IL23R: variants seen among roughly 807,000 people sequenced by gnomAD.
The protein encoded by IL23R is interleukin 23 receptor.
A neutral mutation model predicts 56.9 loss-of-function variants in IL23R; 34 were observed. The ratio of observed to expected loss-of-function variants is 0.60; its 90% CI spans 0.45 to 0.80. IL23R has a LOEUF of 0.80. IL23R is among the 30% of genes least tolerant of loss of function. The pLI is 0.00. For missense variants in IL23R, 635 were observed against 730.0 expected (o/e 0.87, Z 1.50); for synonymous variants, 230 against 249.2 (o/e 0.92, Z 0.73).
intron 7 of IL23R, among the ~76,000 whole-genome samples, chr1:67,228,575 T>C (rs1650898132): frequency 2.0e-5 from 3 of 152,160 alleles, no homozygotes; most frequent in Middle Eastern, 3.4e-3. Context: ...ATCACAAACT[T>C]GAAAGCTTAA....
chr1:67,207,163 ATTGT>A (rs774934389), intron 6 of IL23R, 108 bp downstream of exon 6: 23 of 1,194,192 alleles, frequency 1.9e-5, no homozygotes, highest in Admixed American at 8.9e-5. Context: ...TTTTAATCTG[ATTGT>A]TTGCATGATA....
At chr1:67,145,456 T>G (rs1356452246) in intron 1 of IL23R, among the ~76,000 whole-genome samples, 1 of 152,164 alleles carries the variant, frequency 6.6e-6, no homozygotes, top group Non-Finnish European at 1.5e-5. Context: ...ATTAGCTAAT[T>G]TAATTATCAA....
At chr1:67,177,532 G>A (rs1477999514) in intron 3 of IL23R, among the ~76,000 whole-genome samples, 1 of 151,928 alleles carries the variant, frequency 6.6e-6, no homozygotes, top group Non-Finnish European at 1.5e-5. Flanking sequence ...TTTGTCAGAT[G>A]AGTAGATTGC....
intron 3 of IL23R, among the ~76,000 whole-genome samples, chr1:67,175,796 T>C (rs78441119): frequency 2.0e-4 from 30 of 152,220 alleles, no homozygotes; most frequent in African/African-American, 7.2e-4. Context: ...AAAGAACCCA[T>C]TCGCAAGAGC....
At chr1:67,188,476 G>A (rs774997102) in intron 4 of IL23R, among the ~76,000 whole-genome samples, 3 of 152,184 alleles carry the variant, frequency 2.0e-5, no homozygotes, top group Non-Finnish European at 4.4e-5. Context: ...ATTTAGCCTT[G>A]CTGAGCCTCA....
intron 6 of IL23R, among the ~76,000 whole-genome samples, chr1:67,217,289 G>C (rs533240521): frequency 2.6e-5 from 4 of 152,258 alleles, no homozygotes; most frequent in Non-Finnish European, 5.9e-5. Flanking sequence ...ATTAAGTCCA[G>C]CTCTTTCAAT....
At chr1:67,215,270 C>T (rs1649758370) in intron 6 of IL23R, among the ~76,000 whole-genome samples, 1 of 152,184 alleles carries the variant, frequency 6.6e-6, no homozygotes, top group Admixed American at 6.5e-5. Context: ...GGACATATAA[C>T]AATAAACATT....
chr1:67,212,188 C>A (rs1417406882), intron 6 of IL23R, among the ~76,000 whole-genome samples: 1 of 152,172 alleles, frequency 6.6e-6, no homozygotes, highest in Non-Finnish European at 1.5e-5. Context: ...TTCCTTTAAA[C>A]ACAACCACTA....
intron 6 of IL23R, among the ~76,000 whole-genome samples, chr1:67,219,054 T>C (rs1650066343): frequency 6.6e-6 from 1 of 151,938 alleles, no homozygotes; most frequent in Non-Finnish European, 1.5e-5. Context: ...TTCTGGAGAT[T>C]TGAGACAGTT....
At chr1:67,233,130 C>T (rs1651210540) in intron 7 of IL23R, among the ~76,000 whole-genome samples, 1 of 148,010 alleles carries the variant, frequency 6.8e-6, no homozygotes, top group African/African-American at 2.5e-5. Context: ...AGGTGGATCA[C>T]CTGAGGTCAG....
intron 6 of IL23R, among the ~76,000 whole-genome samples, chr1:67,218,382 T>C (rs1650012931): frequency 7.0e-6 from 1 of 143,738 alleles, no homozygotes. Context: ...ATGTATGTAT[T>C]ATTGGGCCTT....
intron 7 of IL23R, among the ~76,000 whole-genome samples, chr1:67,224,191 C>A (rs998983962): frequency 1.2e-4 from 19 of 152,158 alleles, no homozygotes; most frequent in African/African-American, 4.6e-4. Flanking sequence ...AATTACATTG[C>A]ATCATACATA....
intron 8 of IL23R, among the ~76,000 whole-genome samples, chr1:67,239,302 C>G (rs988198758): frequency 2.0e-5 from 3 of 152,186 alleles, no homozygotes; most frequent in Admixed American, 2.0e-4. Context: ...CTGGCTCTGT[C>G]GCCCAGGCTG....
intron 4 of IL23R, among the ~76,000 whole-genome samples, chr1:67,194,289 G>A (rs962032702): frequency 1.3e-5 from 2 of 152,044 alleles, no homozygotes; most frequent in African/African-American, 2.4e-5. Flanking sequence ...TAAAGGGCAA[G>A]GGGGTTGGGG....
At chr1:67,212,660 C>T (rs1302306291) in intron 6 of IL23R, among the ~76,000 whole-genome samples, 1 of 151,848 alleles carries the variant, frequency 6.6e-6, no homozygotes, top group East Asian at 1.9e-4. Flanking sequence ...ATCCTCCTGC[C>T]TCAGTCTCCC....
At position 67,186,222 on chromosome 1, in the gene IL23R, T is replaced by C. The variant is rs762734640; in HGVS notation, c.491+3263T>C. Among the ~76,000 whole-genome samples the C allele has an allele frequency of 5.9e-5, 9 of 152,178 alleles. 1 individual carries two copies. Among genetic ancestry groups the C allele is most frequent in the South Asian group, 4.1e-4 (2 of 4,830 alleles). On this transcript the variant is annotated intron_variant, in intron 4 of 10. Coordinates refer to ENST00000347310, the MANE Select transcript of IL23R (RefSeq NM_144701.3). The stretch of plus-strand genomic sequence containing the variant: ...CACAGAAAAACCAGGCAGTGCCAGA[T>C]TGACAGAGATAGCCTAGTGTCTTGA...
At chr1:67,161,089 C>G (rs528156570) in intron 1 of IL23R, among the ~76,000 whole-genome samples, 182 of 152,168 alleles carry the variant, frequency 1.2e-3, no homozygotes, top group Non-Finnish European at 1.9e-3. Context: ...CTGAAATGGC[C>G]TTTTTTACTT....
At chr1:67,195,629 C>T (rs1648088541) in intron 4 of IL23R, among the ~76,000 whole-genome samples, 1 of 152,046 alleles carries the variant, frequency 6.6e-6, no homozygotes, top group South Asian at 2.1e-4. Context: ...ATAGTGATCT[C>T]ACGCTGGTAT....
intron 4 of IL23R, among the ~76,000 whole-genome samples, chr1:67,195,006 T>C (rs1275670596): frequency 1.3e-5 from 2 of 152,252 alleles, no homozygotes; most frequent in Admixed American, 6.5e-5. Context: ...TTGTATTCTT[T>C]AGAATGTGTC....
Sources: gnomAD v4.1 joint callset for allele counts (sites outside exome capture counted in the v4.1 genomes callset) on GRCh38, gnomAD v4.1.1 for gene constraint, MANE v1.5 for transcripts, NCBI Gene and HGNC (gene_info 2026-07-23, HGNC 2026-07-21) for gene names.